Variants in PIK3C2A observed in about 807,000 individuals in gnomAD.
The protein encoded by PIK3C2A is phosphatidylinositol 4-phosphate 3-kinase C2 domain-containing subunit alpha.
PIK3C2A carries 97 observed loss-of-function variants against 204.5 expected under a neutral mutation model. The observed-to-expected ratio is 0.47, with a 90% CI of 0.40 to 0.56. The LOEUF (loss-of-function observed/expected upper bound fraction) is 0.56. Ranked by LOEUF, PIK3C2A falls within the 20% of genes least tolerant of loss-of-function variation. The probability of loss-of-function intolerance (pLI) is 0.00; values close to 1 mark genes in which losing one functional copy is unlikely to be tolerated. For missense variants in PIK3C2A, 1,735 were observed against 1,969.2 expected, an observed-to-expected ratio of 0.88 and a Z score of 2.25; for synonymous variants, 653 against 664.4, an observed-to-expected ratio of 0.98 and a Z score of 0.26.
intron 4 of PIK3C2A, among the ~76,000 whole-genome samples, chr11:17,149,335 A>G (rs1394500260): frequency 6.6e-6 from 1 of 152,154 alleles, no homozygotes; most frequent in Non-Finnish European, 1.5e-5. Context: ...TACCCATACA[A>G]GTTAAAAATT....
chr11:17,144,397 C>A (rs957193739), intron 8 of PIK3C2A, among the ~76,000 whole-genome samples: 3 of 152,074 alleles, frequency 2.0e-5, no homozygotes, highest in Admixed American at 2.0e-4. Context: ...TTTTTAAGTT[C>A]CTGATAGGTG....
At chr11:17,127,168 T>G (rs1849553262) in intron 13 of PIK3C2A, among the ~76,000 whole-genome samples, 1 of 152,196 alleles carries the variant, frequency 6.6e-6, no homozygotes, top group Admixed American at 6.5e-5. Context: ...ACTGCCTTTC[T>G]TTAGCCTTTG....
Position 17,168,804 on chromosome 11 carries a change from G to C in PIK3C2A, c.938C>G (p.Ser313Trp), listed in dbSNP as rs775520383. The C allele has an allele frequency of 7.4e-6, 12 of 1,613,872 alleles. No individual in the cohort carries two copies. The highest frequency in any genetic ancestry group is 1.0e-5 in the Non-Finnish European group (12 of 1,179,888). ...TCTTTCAAGATGACAATTTGCTGTC[G>C]ATCTCTCTTCAAGAAGAACAGCATC... Reference protein sequence around the residue: ...PWDAVLLEERSTANCHLERKV... With the variant: ...PWDAVLLEERWTANCHLERKV... The change falls in exon 2 of 33, where the codon TCG (serine) becomes TGG (tryptophan). Residue 313 changes from serine to tryptophan, a missense_variant. Transcript: ENST00000691414.
Position 17,091,359 on chromosome 11 carries a change from G to A in PIK3C2A, c.4853C>T (p.Thr1618Met), listed in dbSNP as rs767495516. ...SKRKTKISRK[T>M]RNPTFNEMLV... ...CATTTCATTGAATGTCGGATTCCTCGTTTTTCGTGAAATTTTGGTTTTACG... is the reference window on the plus strand; with the variant it reads ...CATTTCATTGAATGTCGGATTCCTCATTTTTCGTGAAATTTTGGTTTTACG... Residue 1618 changes from threonine to methionine, a missense_variant, in exon 32 of 33, where the codon ACG becomes ATG. Around this residue, in one of 6 missense-constraint regions of PIK3C2A, gnomAD observed 503 missense variants for 669.0 expected, o/e 0.75. Transcript: ENST00000691414. 5 of 1,613,320 alleles carry A rather than the reference G, an allele frequency of 3.1e-6. No homozygotes were observed. The highest frequency in any genetic ancestry group is 1.1e-5 in the South Asian group (1 of 90,968).
In PIK3C2A at chr11:17,089,490, T is replaced by TCTACATAA; in HGVS notation, c.*247_*248insTTATGTAG. On this transcript the variant is annotated 3_prime_UTR_variant, in exon 33 of 33. Coordinates refer to ENST00000691414, the MANE Select transcript of PIK3C2A (RefSeq NM_002645.4). Reference sequence around the variant, plus strand: ...AATTAGTATATATTAAGTTTAGGGTTTGTAGCATTCTACATAATGACTTTA... The same window carrying TCTACATAA: ...AATTAGTATATATTAAGTTTAGGGTTCTACATAATGTAGCATTCTACATAATGACTTTA... 1 of 399,422 alleles carries TCTACATAA rather than the reference T, an allele frequency of 2.5e-6. No homozygotes were observed. The highest frequency in any genetic ancestry group is 4.5e-6 in the Non-Finnish European group (1 of 221,390). 24.7% of individuals were successfully genotyped at this position (399,422 alleles called of 1,614,324 possible). A position where few individuals can be genotyped will look rare whatever the true frequency, so the allele number is the denominator to read the frequency against.
At chr11:17,150,455 C>T (rs760489556) in intron 4 of PIK3C2A, 43 bp downstream of exon 4, 5 of 1,502,198 alleles carry the variant, frequency 3.3e-6, no homozygotes. Context: ...AACATTTCCC[C>T]CTAACAGAGC....
chr11:17,152,135 CCTTT>C lies in PIK3C2A; in HGVS notation c.1170-1484_1170-1481del, dbSNP rs573396045. ...TGCATTTCCCTTTCTTAAAATAAGT[CCTTT>C]CTTTTACACAACAATGTGAATGTAA... On this transcript the variant is annotated intron_variant, in intron 3 of 32. Transcript: ENST00000691414. Among the ~76,000 whole-genome samples, 717 of 152,200 alleles carry C rather than the reference CCTTT, an allele frequency of 4.7e-3. 10 individuals carry two copies. Among genetic ancestry groups the C allele is most frequent in the African/African-American group, 0.016 (680 of 41,554 alleles).
chr11:17,091,756 G>T, intron 30 of PIK3C2A, 100 bp from the exon 31 acceptor site: 2 of 783,252 alleles, frequency 2.6e-6, no homozygotes, highest in South Asian at 1.7e-5. Context: ...CATGTGGTGC[G>T]GACAGAAGGG....
rs766924285 is a variant in PIK3C2A, at chr11:17,122,952, TCA to T, written c.2400-141_2400-140del. Reference sequence around the variant, plus strand: ...ATCTTTAAGAACATATCAGAAGGATTCACTCTCCACATTGTACTGAAACTTTT... The same window carrying T: ...ATCTTTAAGAACATATCAGAAGGATTCTCTCCACATTGTACTGAAACTTTT... On this transcript the variant is annotated intron_variant, in intron 13 of 32. Transcript: ENST00000691414. 1.2e-3 allele frequency: 661 copies of T among 559,708 alleles called. 4 individuals are homozygous for T. The highest frequency in any genetic ancestry group is 5.8e-4 in the East Asian group (19 of 32,882). 34.7% of individuals were successfully genotyped at this position (559,708 alleles called of 1,614,324 possible). A position where few individuals can be genotyped will look rare whatever the true frequency, so the allele number is the denominator to read the frequency against.
At chr11:17,189,726 A>C (rs1395448174) in intron 1 of PIK3C2A, among the ~76,000 whole-genome samples, 1 of 147,884 alleles carries the variant, frequency 6.8e-6, no homozygotes, top group Non-Finnish European at 1.5e-5. Flanking sequence ...AAAAGAAGAC[A>C]GTTTTGGAGA....
chr11:17,102,814 G>C lies in PIK3C2A; in HGVS notation c.3699C>G (p.Ile1233Met). 1 of 1,597,260 alleles carries C rather than the reference G, an allele frequency of 6.3e-7. No homozygotes were observed. ...EEYEKASENF[I>M]YSCAGCCVAT... ...CTACACAGCATCCAGCACAGGAATA[G>C]ATAAAGTTCTCTGAAGCCTATAAAA... Residue 1233 changes from isoleucine (I) to methionine (M), a missense_variant, in exon 24 of 33, where the codon ATC (isoleucine) becomes ATG (methionine). By Grantham distance (10) the Ile-to-Met change is conservative. Coordinates refer to ENST00000691414, the MANE Select transcript of PIK3C2A (RefSeq NM_002645.4).
intron 8 of PIK3C2A, 29 bp from the exon 9 acceptor site, chr11:17,136,654 A>T (rs534866543): frequency 5.1e-6 from 7 of 1,363,466 alleles, no homozygotes; most frequent in Non-Finnish European, 7.0e-6. Context: ...AAATAAAAAT[A>T]GGTAGGTGAA....
chr11:17,135,248 AG>A (rs1190069386), intron 9 of PIK3C2A, 89 bp from the exon 10 acceptor site: 11 of 1,264,786 alleles, frequency 8.7e-6, no homozygotes, highest in African/African-American at 1.5e-5. Context: ...AACTCTTTCC[AG>A]GGGAAACCTC....
Position 17,203,967 on chromosome 11 carries a change from G to A in PIK3C2A, c.-66+3881C>T, listed in dbSNP as rs561451019. ...CGGGCGCCTGTAGTCCCAGCTACTC[G>A]GGAGGCTGAGGCAGGAGACTGGTGT... On this transcript the variant is annotated intron_variant, in intron 1 of 32. Coordinates refer to ENST00000691414, the MANE Select transcript of PIK3C2A (RefSeq NM_002645.4). Among the ~76,000 whole-genome samples, 21 of 152,190 alleles carry A rather than the reference G, an allele frequency of 1.4e-4. No individual in the cohort carries two copies. The South Asian group carries it at 3.3e-3, about 24-fold the overall frequency.
At chr11:17,109,637 C>T (rs1226869836) in intron 22 of PIK3C2A, among the ~76,000 whole-genome samples, 1 of 152,148 alleles carries the variant, frequency 6.6e-6, no homozygotes, top group East Asian at 1.9e-4. Context: ...GATCATGGTT[C>T]ACTGAAGCCT....
Position 17,158,273 on chromosome 11 carries a change from G to A in PIK3C2A, c.1066-2644C>T, listed in dbSNP as rs549202881. Among the ~76,000 whole-genome samples the A allele has an allele frequency of 1.2e-3, 181 of 151,318 alleles. 1 individual carries two copies. The highest frequency in any genetic ancestry group is 3.7e-3 in the African/African-American group (153 of 41,232). On this transcript the variant is annotated intron_variant, in intron 2 of 32. Transcript: ENST00000691414. ...TGAGGCAGGAGAATCACTTGAACCC[G>A]GGAGGCGGAGGTTGCAGTGAGCCGA...
chr11:17,136,611 T>C lies in PIK3C2A; in HGVS notation c.1719A>G (p.Ala573=). 1 of 1,572,172 alleles carries C rather than the reference T, an allele frequency of 6.4e-7. No homozygotes were observed. Among genetic ancestry groups the C allele is most frequent in the South Asian group, 1.2e-5 (1 of 86,076 alleles). Residue 573 remains alanine (A), a synonymous_variant, in exon 9 of 33, where the codon GCA becomes GCG. Coordinates refer to ENST00000691414, the MANE Select transcript of PIK3C2A (RefSeq NM_002645.4). ...LALQIENQHR[A]VDQVIKAVRK... is the part of the protein sequence containing the mutation. ...TTACAGCTTTAATTACTTGATCTAC[T>C]GCTCGGTGTTGGTTCTTTAAAAATA...
chr11:17,168,716 T>A lies in PIK3C2A; in HGVS notation c.1026A>T (p.Arg342=), dbSNP rs763170405. 1 of 1,602,840 alleles carries A rather than the reference T, an allele frequency of 6.2e-7. No homozygotes were observed. Among genetic ancestry groups the A allele is most frequent in the South Asian group, 1.1e-5 (1 of 89,026 alleles). The stretch of plus-strand genomic sequence containing the variant: ...CCTGGGCTTTTGCAAGCTGAGTTGT[T>A]CGAATATTTAAAGACTGGCTTCTTG... The part of the protein sequence containing the change: ...TVTRSQSLNI[R]TTQLAKAQGH... Residue 342 remains arginine, a synonymous_variant, in exon 2 of 33, where the codon CGA becomes CGT. Coordinates refer to ENST00000691414, the MANE Select transcript of PIK3C2A (RefSeq NM_002645.4).
chr11:17,131,157 T>C (rs1407440725), intron 12 of PIK3C2A, among the ~76,000 whole-genome samples: 1 of 152,098 alleles, frequency 6.6e-6, no homozygotes, highest in Non-Finnish European at 1.5e-5. Context: ...CACTGCACTC[T>C]AGCCTGGGCA....
Sources: gnomAD v4.1 joint callset for allele counts (sites outside exome capture counted in the v4.1 genomes callset) on GRCh38, gnomAD v4.1.1 for gene constraint, gnomAD v4.1.1 regional missense constraint, MANE v1.5 for transcripts, NCBI Gene and HGNC (gene_info 2026-07-23, HGNC 2026-07-21) for gene names.